Variants in ATP7B observed in about 807,000 individuals in gnomAD.
ATP7B encodes ATPase copper transporting beta, also known as copper-transporting ATPase 2.
A neutral mutation model predicts 118.9 loss-of-function variants in ATP7B; 113 were observed. That is an observed-to-expected ratio of 0.95 (90% CI 0.82 to 1.11). The LOEUF (loss-of-function observed/expected upper bound fraction) is 1.11. Among genes scored for constraint, ATP7B ranks in the 50% most tolerant of loss-of-function variants. The pLI is 0.00. For synonymous variants in ATP7B, 777 were observed against 727.4 expected (o/e 1.07, Z -1.10); for missense variants, 1,867 against 1,871.4 (o/e 1.00, Z 0.04).
chr13:51,976,655 C>T (rs746849287), intron 1 of ATP7B, among the ~76,000 whole-genome samples: 24 of 152,216 alleles, frequency 1.6e-4, no homozygotes, highest in Non-Finnish European at 2.9e-4. Context: ...GCCTACCAAA[C>T]ACCTGAGCTG....
At chr13:52,003,626 T>TA (rs35755652) in intron 1 of ATP7B, among the ~76,000 whole-genome samples, 6,506 of 148,338 alleles carry the variant, frequency 0.044, 279 homozygotes, top group African/African-American at 0.098. Flanking sequence ...CTTCAACTGG[T>TA]AAAAAAAAAA....
chr13:51,995,773 TTTTG>T (rs1466862003), intron 1 of ATP7B, among the ~76,000 whole-genome samples: 1 of 152,168 alleles, frequency 6.6e-6, no homozygotes, highest in East Asian at 1.9e-4. Context: ...ACCTATTTGC[TTTTG>T]TTTATCTACA....
chr13:52,008,470 C>T (rs938277373), intron 1 of ATP7B, among the ~76,000 whole-genome samples: 2 of 152,194 alleles, frequency 1.3e-5, no homozygotes, highest in African/African-American at 4.8e-5. Context: ...ATCCCCTAAT[C>T]ACATGGTTGG....
Position 51,964,911 on chromosome 13 carries a change from C to T in ATP7B, c.1830G>A (p.Pro610=), listed in dbSNP as rs375689672. ...ATSKALVKFD[P]EIIGPRDIIK... ...TAATATCCCGTGGACCGATAATTTC[C>T]GGGTCAAACTTAACAAGGGCTTTGC... The change falls in exon 5 of 21, where the codon CCG becomes CCA. Residue 610 remains proline (P), a synonymous_variant. Coordinates refer to ENST00000242839, the MANE Select transcript of ATP7B (RefSeq NM_000053.4). 34 of 1,614,064 alleles carry T rather than the reference C, an allele frequency of 2.1e-5. No homozygotes were observed. Among genetic ancestry groups the T allele is most frequent in the Middle Eastern group, 1.6e-4 (1 of 6,062 alleles).
intron 5 of ATP7B, among the ~76,000 whole-genome samples, chr13:51,964,454 A>G (rs559204445): frequency 9.8e-4 from 150 of 152,334 alleles, no homozygotes; most frequent in Non-Finnish European, 1.4e-3. Context: ...CTCCACAACA[A>G]GAGTGGCCTG....
At position 51,979,162 on chromosome 13, in the gene ATP7B, C is replaced by G. The variant is rs745887171; in HGVS notation, c.52-3994G>C. ...CCTCTGCTTGCATCACACTTGCTAA[C>G]ACCCATTGGCCAAAACCAGTCACAC... is the stretch of plus-strand genomic sequence containing the variant. On this transcript the variant is annotated intron_variant, in intron 1 of 20. Transcript: ENST00000242839. 8.6e-4 allele frequency among the ~76,000 whole-genome samples: 131 copies of G among 152,296 alleles called. 2 individuals are homozygous for G. Among genetic ancestry groups the G allele is most frequent in the Non-Finnish European group, 7.4e-4 (50 of 68,026 alleles).
chr13:51,991,958 CG>C (rs1952938704), intron 1 of ATP7B, among the ~76,000 whole-genome samples: 1 of 152,032 alleles, frequency 6.6e-6, no homozygotes, highest in Non-Finnish European at 1.5e-5. Flanking sequence ...GGGAGAGGAG[CG>C]GGCGGAAATG....
At chr13:51,997,587 CTT>C (rs1244313567) in intron 1 of ATP7B, among the ~76,000 whole-genome samples, 1 of 152,182 alleles carries the variant, frequency 6.6e-6, no homozygotes, top group Admixed American at 6.5e-5. Context: ...AGAGTCTAGA[CTT>C]TGTCCTGTGG....
chr13:51,975,284 A>C (rs1285058036), intron 1 of ATP7B, 116 bp from the exon 2 acceptor site: 3 of 1,348,970 alleles, frequency 2.2e-6, no homozygotes, highest in Non-Finnish European at 3.2e-6. Context: ...AAAATATCCC[A>C]AGGGTAGAAG....
intron 1 of ATP7B, among the ~76,000 whole-genome samples, chr13:51,993,656 C>T (rs1406855406): frequency 6.6e-6 from 1 of 152,182 alleles, no homozygotes; most frequent in East Asian, 1.9e-4. Flanking sequence ...CTGTCCAGAC[C>T]TTCAGACAAC....
At chr13:52,003,544 TG>T (rs1454378760) in intron 1 of ATP7B, among the ~76,000 whole-genome samples, 1 of 152,058 alleles carries the variant, frequency 6.6e-6, no homozygotes, top group Admixed American at 6.6e-5. Flanking sequence ...TACCAAAATG[TG>T]GCATGAAGTG....
chr13:51,960,568 C>T (rs1958668985), intron 6 of ATP7B, among the ~76,000 whole-genome samples: 1 of 152,176 alleles, frequency 6.6e-6, no homozygotes, highest in Admixed American at 6.5e-5. Context: ...CCTGCCTTCA[C>T]ATACTGTGGT....
chr13:51,950,532 A>G (rs1270950912), intron 9 of ATP7B, 133 bp from the exon 10 acceptor site: 2 of 1,362,378 alleles, frequency 1.5e-6, no homozygotes, highest in Non-Finnish European at 2.0e-6. Flanking sequence ...CTGTTCATTT[A>G]CAGATATTTA....
rs549732872 is a variant in ATP7B at position 51,980,153 on chromosome 13, A to G, written c.52-4985T>C. The stretch of plus-strand genomic sequence containing the variant: ...CAGGTTTAGATTTAAGGGCCCATCA[A>G]AGAGTCACAGAAATGGAGAGCAGGC... On this transcript the variant is annotated intron_variant, in intron 1 of 20. Transcript: ENST00000242839. Among the ~76,000 whole-genome samples the G allele has an allele frequency of 6.6e-5, 10 of 152,314 alleles. No homozygotes were observed. In the South Asian group the frequency reaches 2.1e-3, roughly 32 times the overall value.
chr13:51,997,710 A>G (rs1163599193), intron 1 of ATP7B, among the ~76,000 whole-genome samples: 6 of 152,244 alleles, frequency 3.9e-5, no homozygotes. Flanking sequence ...AGGAGGGATT[A>G]CAAGGGGCAG....
At chr13:52,002,378 A>G (rs961799360) in intron 1 of ATP7B, among the ~76,000 whole-genome samples, 2 of 150,026 alleles carry the variant, frequency 1.3e-5, no homozygotes, top group East Asian at 2.0e-4. Context: ...CTTGGGCAAC[A>G]TGGTGAAACC....
chr13:51,976,027 A>G (rs541695260), intron 1 of ATP7B, among the ~76,000 whole-genome samples: 20 of 152,298 alleles, frequency 1.3e-4, no homozygotes, highest in Admixed American at 1.3e-3. Flanking sequence ...ACAACACAGT[A>G]CAAGTGTTAT....
In ATP7B at chr13:51,963,207, G is replaced by A. The variant is rs188684674; in HGVS notation, c.1870-1294C>T. On this transcript the variant is annotated intron_variant, in intron 5 of 20. Coordinates refer to ENST00000242839, the MANE Select transcript of ATP7B (RefSeq NM_000053.4). The stretch of plus-strand genomic sequence containing the variant: ...AGTCTGATGTCTGAGCCTCATCAAT[G>A]CCATATCACTACTGTTCTTTAAGAT... 3.3e-3 allele frequency among the ~76,000 whole-genome samples: 498 copies of A among 152,250 alleles called. 2 individuals are homozygous for A. The highest frequency in any genetic ancestry group is 0.011 in the African/African-American group (457 of 41,532).
chr13:51,986,083 T>C (rs926742710), intron 1 of ATP7B, among the ~76,000 whole-genome samples: 12 of 151,972 alleles, frequency 7.9e-5, no homozygotes, highest in Admixed American at 2.0e-4. Flanking sequence ...CTGAAGGAGA[T>C]AGACACATGA....
Sources: gnomAD v4.1 joint callset for allele counts (sites outside exome capture counted in the v4.1 genomes callset) on GRCh38, gnomAD v4.1.1 for gene constraint, MANE v1.5 for transcripts, NCBI Gene and HGNC (gene_info 2026-07-23, HGNC 2026-07-21) for gene names.